Variants in KIAA1328 observed in about 807,000 individuals in gnomAD.
The protein encoded by KIAA1328 is protein hinderin.
A neutral mutation model predicts 68.1 loss-of-function variants in KIAA1328; 52 were observed. The ratio of observed to expected loss-of-function variants is 0.76; its 90% CI spans 0.61 to 0.96. The LOEUF is 0.96. KIAA1328 is among the 40% of genes least tolerant of loss of function. KIAA1328 has a pLI of 0.00. For synonymous variants in KIAA1328, 232 were observed against 239.4 expected (o/e 0.97, Z 0.28); for missense variants, 641 against 677.6 (o/e 0.95, Z 0.60).
chr18:36,911,877 A>G (rs746262437), intron 5 of KIAA1328, among the ~76,000 whole-genome samples: 6 of 151,918 alleles, frequency 3.9e-5, no homozygotes, highest in Non-Finnish European at 5.9e-5. Flanking sequence ...GCAGTCAGAA[A>G]GAGCTCCTTG....
chr18:37,155,087 C>T lies in KIAA1328; in HGVS notation c.1233-5113C>T, dbSNP rs75615631. On this transcript the variant is annotated intron_variant, in intron 7 of 9. Coordinates refer to ENST00000280020, the MANE Select transcript of KIAA1328 (RefSeq NM_020776.3). The stretch of plus-strand genomic sequence containing the variant: ...ATTTCTATTTCTGTTAGGGCCTCAA[C>T]ATTTCAGGAAAATCTTTTTCTTTTC... Among the ~76,000 whole-genome samples, 316 of 152,276 alleles carry T rather than the reference C, an allele frequency of 2.1e-3. 2 individuals carry two copies. Among genetic ancestry groups the T allele is most frequent in the Middle Eastern group, 0.017 (5 of 294 alleles).
chr18:36,847,611 T>C (rs150024461), intron 4 of KIAA1328, among the ~76,000 whole-genome samples: 1,948 of 151,710 alleles, frequency 0.013, 26 homozygotes, highest in Non-Finnish European at 0.018. Flanking sequence ...CATTCTCTTC[T>C]TAATATTGAG....
At chr18:37,089,098 C>T (rs902695338) in intron 7 of KIAA1328, among the ~76,000 whole-genome samples, 6 of 151,670 alleles carry the variant, frequency 4.0e-5, no homozygotes, top group African/African-American at 1.5e-4. Context: ...TAATTCTGCC[C>T]CAAAGGTATC....
intron 9 of KIAA1328, among the ~76,000 whole-genome samples, chr18:37,218,476 A>C (rs1456732125): frequency 6.6e-6 from 1 of 152,218 alleles, no homozygotes; most frequent in East Asian, 1.9e-4. Flanking sequence ...TATGGGAAAC[A>C]TGGCTGGCAA....
At chr18:36,833,544 A>C (rs1290800607) in intron 1 of KIAA1328, among the ~76,000 whole-genome samples, 1 of 152,212 alleles carries the variant, frequency 6.6e-6, no homozygotes, top group Non-Finnish European at 1.5e-5. Flanking sequence ...CTAAATTAGA[A>C]ATGACATAAC....
chr18:37,225,791 G>A (rs2154227953), downstream of KIAA1328, among the ~76,000 whole-genome samples: 1 of 152,312 alleles, frequency 6.6e-6, no homozygotes, highest in South Asian at 2.1e-4. Flanking sequence ...AACTCAGACA[G>A]AGACCCTGTC....
chr18:37,218,888 G>A (rs2060500145), intron 9 of KIAA1328, among the ~76,000 whole-genome samples: 1 of 152,190 alleles, frequency 6.6e-6, no homozygotes, highest in African/African-American at 2.4e-5. Flanking sequence ...TTGGAGAAGA[G>A]GCACTCTGGT....
intron 6 of KIAA1328, among the ~76,000 whole-genome samples, chr18:37,026,184 A>G (rs1352581486): frequency 2.0e-5 from 3 of 152,172 alleles, no homozygotes; most frequent in African/African-American, 4.8e-5. Flanking sequence ...AAGAAATTGA[A>G]TCTCTGAATA....
At chr18:37,197,595 A>G (rs904158112) in intron 9 of KIAA1328, among the ~76,000 whole-genome samples, 2 of 152,146 alleles carry the variant, frequency 1.3e-5, no homozygotes, top group Non-Finnish European at 2.9e-5. Context: ...CAAAGTCTAT[A>G]AATTGAAAGG....
Position 36,829,184 on chromosome 18 carries a change from T to G in KIAA1328, c.46T>G (p.Trp16Gly). 6.5e-7 allele frequency: 1 copy of G among 1,532,586 alleles called. No homozygotes were observed. Among genetic ancestry groups the G allele is most frequent in the Non-Finnish European group, 8.8e-7 (1 of 1,142,038 alleles). The allele number at this position is 1,532,586 out of a possible 1,614,324, so 94.9% of individuals were successfully genotyped here. ...GPSRPSAAAFWSRDFSDEEQS... is the reference protein window; with the variant it reads ...GPSRPSAAAFGSRDFSDEEQS... ...CTCCCGCCCCAGTGCCGCGGCGTTC[T>G]GGAGCCGGGACTGTATCCTTTGCCC... is the stretch of plus-strand genomic sequence containing the variant. Residue 16 changes from tryptophan (W) to glycine (G), a missense_variant, in exon 1 of 10, where the codon TGG becomes GGG. Trp to Gly is a radical substitution (Grantham distance 184). Coordinates refer to ENST00000280020, the MANE Select transcript of KIAA1328 (RefSeq NM_020776.3).
intron 6 of KIAA1328, among the ~76,000 whole-genome samples, chr18:37,033,327 CAT>C (rs1220466940): frequency 1.5e-4 from 23 of 152,176 alleles, no homozygotes; most frequent in Non-Finnish European, 3.2e-4. Flanking sequence ...TGCTTATCAA[CAT>C]AGATGTTACA....
intron 5 of KIAA1328, among the ~76,000 whole-genome samples, chr18:36,953,991 G>GTTTT (rs2051285364): frequency 9.5e-5 from 7 of 73,830 alleles, no homozygotes; most frequent in Admixed American, 1.9e-4. Context: ...TTGTCTGATT[G>GTTTT]TTTCTTTTTT....
intron 7 of KIAA1328, among the ~76,000 whole-genome samples, chr18:37,148,014 C>T (rs2058942822): frequency 6.6e-6 from 1 of 151,828 alleles, no homozygotes; most frequent in Non-Finnish European, 1.5e-5. Flanking sequence ...GGTAGATGTG[C>T]AAGTTTGTCA....
At chr18:37,097,148 C>T (rs554103771) in intron 7 of KIAA1328, among the ~76,000 whole-genome samples, 1 of 152,140 alleles carries the variant, frequency 6.6e-6, no homozygotes, top group Non-Finnish European at 1.5e-5. Flanking sequence ...AAGTCCTTGC[C>T]CATGCCTATG....
At chr18:37,103,091 A>C (rs2057671057) in intron 7 of KIAA1328, among the ~76,000 whole-genome samples, 2 of 152,220 alleles carry the variant, frequency 1.3e-5, no homozygotes, top group South Asian at 4.1e-4. Flanking sequence ...ATATTGTTAA[A>C]ATGACTCCAC....
intron 5 of KIAA1328, among the ~76,000 whole-genome samples, chr18:36,910,016 A>G (rs1452483054): frequency 6.6e-6 from 1 of 152,070 alleles, no homozygotes; most frequent in East Asian, 1.9e-4. Context: ...TTCTTTGTAG[A>G]TTCTGGATAT....
At chr18:37,097,612 C>T (rs369649869) in intron 7 of KIAA1328, among the ~76,000 whole-genome samples, 3 of 152,150 alleles carry the variant, frequency 2.0e-5, no homozygotes, top group African/African-American at 7.2e-5. Context: ...TCTGTGAAGA[C>T]AGTCATTGGT....
chr18:36,888,373 A>T (rs1048231862), intron 5 of KIAA1328, among the ~76,000 whole-genome samples: 1 of 152,178 alleles, frequency 6.6e-6, no homozygotes, highest in East Asian at 1.9e-4. Flanking sequence ...GATTTATCTT[A>T]TAAGCTAAGA....
intron 8 of KIAA1328, among the ~76,000 whole-genome samples, chr18:37,160,948 A>G (rs2059266428): frequency 6.6e-6 from 1 of 152,164 alleles, no homozygotes; most frequent in Admixed American, 6.6e-5. Context: ...AAGCAAATTT[A>G]TTTGTTTCCC....
Sources: gnomAD v4.1 joint callset for allele counts (sites outside exome capture counted in the v4.1 genomes callset) on GRCh38, gnomAD v4.1.1 for gene constraint, MANE v1.5 for transcripts, NCBI Gene and HGNC (gene_info 2026-07-23, HGNC 2026-07-21) for gene names.